Variants in MYO1E observed in about 807,000 individuals in gnomAD.
MYO1E encodes myosin IE, also known as unconventional myosin-Ie.
In MYO1E, 68 loss-of-function variants were observed where a neutral mutation model predicts 151.1. The observed-to-expected ratio is 0.45, with a 90% confidence interval of 0.37 to 0.55. MYO1E has a LOEUF of 0.55. MYO1E is among the 20% of genes least tolerant of loss of function. The probability of loss-of-function intolerance (pLI) is 0.00; values close to 1 mark genes in which losing one functional copy is unlikely to be tolerated. For synonymous variants in MYO1E, 601 were observed against 501.7 expected (o/e 1.20, Z -2.64); for missense variants, 1,363 against 1,389.3 (o/e 0.98, Z 0.30).
chr15:59,300,747 G>C (rs1283759641), intron 1 of MYO1E, among the ~76,000 whole-genome samples: 1 of 152,066 alleles, frequency 6.6e-6, no homozygotes, highest in African/African-American at 2.4e-5. Context: ...ATCCTGACAG[G>C]CTTTCTTGAA....
chr15:59,348,155 G>C (rs1190820100), intron 1 of MYO1E, among the ~76,000 whole-genome samples: 1 of 152,180 alleles, frequency 6.6e-6, no homozygotes, highest in African/African-American at 2.4e-5. Flanking sequence ...GAGGAGGTAA[G>C]AGAATGCAGG....
At chr15:59,236,331 G>T (rs2080063059) in intron 5 of MYO1E, among the ~76,000 whole-genome samples, 1 of 129,320 alleles carries the variant, frequency 7.7e-6, no homozygotes, top group Non-Finnish European at 1.6e-5. Flanking sequence ...GGGCAACAGA[G>T]CAAGACTCTG....
intron 1 of MYO1E, among the ~76,000 whole-genome samples, chr15:59,302,893 C>T (rs1404887012): frequency 3.3e-5 from 5 of 152,178 alleles, no homozygotes; most frequent in African/African-American, 1.2e-4. Context: ...GTCTCCAGTC[C>T]TGCCCAGGGG....
rs200600359 is a variant in MYO1E at position 59,259,910 on chromosome 15, CTCT to C, written c.237+1507_237+1509del. On this transcript the variant is annotated intron_variant, in intron 3 of 27. Coordinates refer to ENST00000288235, the MANE Select transcript of MYO1E (RefSeq NM_004998.4). The stretch of plus-strand genomic sequence containing the variant: ...CACTCAGTAGATTTTAGTACTTCAT[CTCT>C]CTGAGCCTCAGTTTCCTCATCTGTG... Among the ~76,000 whole-genome samples the C allele has an allele frequency of 6.6e-3, 998 of 152,316 alleles. 16 individuals carry two copies. The highest frequency in any genetic ancestry group is 0.023 in the African/African-American group (943 of 41,568).
intron 4 of MYO1E, among the ~76,000 whole-genome samples, chr15:59,240,790 T>A (rs2080095076): frequency 6.6e-6 from 1 of 152,220 alleles, no homozygotes; most frequent in South Asian, 2.1e-4. Flanking sequence ...TTTTCCAACT[T>A]TTTGTTTGTG....
chr15:59,174,299 A>C, intron 19 of MYO1E, 59 bp from the exon 20 acceptor site: 2 of 1,222,714 alleles, frequency 1.6e-6, no homozygotes, highest in South Asian at 2.4e-5. Context: ...CCTGAACAAC[A>C]CTTTTCTTGT....
In MYO1E at chr15:59,372,661, C is replaced by T; in HGVS notation, c.-161G>A. ...GGAGCCAATGGGAACCCAGAGGGGA[C>T]TCCATCCAGGCGGGATTGGCGGTGC... On this transcript the variant is annotated 5_prime_UTR_variant, in exon 1 of 28. Transcript: ENST00000288235. 1 of 883,932 alleles carries T rather than the reference C, an allele frequency of 1.1e-6. No homozygotes were observed. The highest frequency in any genetic ancestry group is 1.7e-6 in the Non-Finnish European group (1 of 594,010). The allele number at this position is 883,932 out of a possible 1,614,324, so 54.8% of individuals were successfully genotyped here.
chr15:59,249,170 T>G (rs569902130), intron 4 of MYO1E, among the ~76,000 whole-genome samples: 3 of 152,166 alleles, frequency 2.0e-5, no homozygotes, highest in African/African-American at 7.2e-5. Flanking sequence ...ACGCCTGTAA[T>G]CCCAGCACTT....
intron 6 of MYO1E, among the ~76,000 whole-genome samples, chr15:59,231,194 G>A (rs1442793537): frequency 1.3e-5 from 2 of 152,340 alleles, no homozygotes; most frequent in Non-Finnish European, 2.9e-5. Flanking sequence ...GATGCACAAA[G>A]CCAGAGGGCT....
intron 14 of MYO1E, chr15:59,208,472 G>C (rs2079855123): frequency 1.6e-6 from 1 of 642,102 alleles, no homozygotes; most frequent in Non-Finnish European, 2.7e-6. Context: ...TAAAAAAGTA[G>C]TAGCTTCTTC....
chr15:59,303,064 T>C (rs577639652), intron 1 of MYO1E, among the ~76,000 whole-genome samples: 2 of 152,320 alleles, frequency 1.3e-5, no homozygotes, highest in Non-Finnish European at 2.9e-5. Context: ...GAAGAAAATG[T>C]AATGCCTGGC....
intron 1 of MYO1E, among the ~76,000 whole-genome samples, chr15:59,290,822 G>A (rs71480518): frequency 1.3e-5 from 2 of 152,204 alleles, no homozygotes; most frequent in Non-Finnish European, 2.9e-5. Context: ...GTCAGAGCTG[G>A]TAGTAAATGC....
intron 1 of MYO1E, among the ~76,000 whole-genome samples, chr15:59,370,469 A>G (rs1311132676): frequency 1.3e-5 from 2 of 152,248 alleles, no homozygotes; most frequent in Admixed American, 6.5e-5. Flanking sequence ...AGCTGTTTCA[A>G]CTTTTCCATC....
chr15:59,368,590 C>T (rs2080927658), intron 1 of MYO1E, among the ~76,000 whole-genome samples: 1 of 152,014 alleles, frequency 6.6e-6, no homozygotes, highest in Non-Finnish European at 1.5e-5. Context: ...CTAAAAAATA[C>T]AAAATATTAG....
intron 27 of MYO1E, among the ~76,000 whole-genome samples, chr15:59,137,935 T>C (rs918439031): frequency 3.9e-5 from 6 of 152,336 alleles, no homozygotes; most frequent in African/African-American, 1.2e-4. Flanking sequence ...TGGTTTGATA[T>C]GTTGGCCTGG....
At chr15:59,171,823 TG>T (rs748920288) in intron 22 of MYO1E, 73 bp downstream of exon 22, 165 of 1,598,982 alleles carry the variant, frequency 1.0e-4, no homozygotes, top group Non-Finnish European at 1.4e-4. Context: ...GCCTTCCTCC[TG>T]GCTGTTTGGA....
chr15:59,324,065 C>T (rs1327971613), intron 1 of MYO1E, among the ~76,000 whole-genome samples: 1 of 152,048 alleles, frequency 6.6e-6, no homozygotes, highest in East Asian at 1.9e-4. Context: ...CCCTTGTGCC[C>T]TCAGTTCTCA....
chr15:59,236,037 G>T (rs2080060610), intron 5 of MYO1E, among the ~76,000 whole-genome samples: 3 of 151,850 alleles, frequency 2.0e-5, no homozygotes. Context: ...TTGATTTGTA[G>T]GAGTTCATTA....
In MYO1E at chr15:59,230,215, AGTGTGTGTTTGT is replaced by A. The variant is rs1229261593; in HGVS notation, c.510+1475_510+1486del. Among the ~76,000 whole-genome samples, 153 of 118,344 alleles carry A rather than the reference AGTGTGTGTTTGT, an allele frequency of 1.3e-3. 1 individual carries two copies. The highest frequency in any genetic ancestry group is 5.7e-3 in the African/African-American group (142 of 25,020). 77.6% of individuals were successfully genotyped at this position (118,344 alleles called of 152,430 possible). A position where few individuals can be genotyped will look rare whatever the true frequency, so the allele number is the denominator to read the frequency against. On this transcript the variant is annotated intron_variant, in intron 6 of 27. Transcript: ENST00000288235. ...GGTGAATAGTGAGAGAGAGAGAGAC[AGTGTGTGTTTGT>A]GTGTGTGTGTGTGTGTGTGTGTGTG...
Sources: gnomAD v4.1 joint callset for allele counts (sites outside exome capture counted in the v4.1 genomes callset) on GRCh38, gnomAD v4.1.1 for gene constraint, MANE v1.5 for transcripts, NCBI Gene and HGNC (gene_info 2026-07-23, HGNC 2026-07-21) for gene names.